DIP2A: variants seen among roughly 807,000 people sequenced by gnomAD.
DIP2A encodes the protein DIP2 acetate--CoA ligase A.
In DIP2A, 85 loss-of-function variants were observed where a neutral mutation model predicts 177.4. The observed-to-expected ratio is 0.48, with a 90% CI of 0.40 to 0.57. The LOEUF (loss-of-function observed/expected upper bound fraction) is 0.57, where lower values mean the gene tolerates loss of function less well. Ranked by LOEUF, DIP2A falls within the 20% of genes least tolerant of loss-of-function variation. DIP2A has a pLI of 0.00. For synonymous variants in DIP2A, 886 were observed against 881.8 expected, an observed-to-expected ratio of 1.00 and a Z score of -0.08; for missense variants, 1,791 against 2,100.2, an observed-to-expected ratio of 0.85 and a Z score of 2.88.
chr21:46,515,734 C>T lies in DIP2A; in HGVS notation c.1102+4120C>T, dbSNP rs184508862. On this transcript the variant is annotated intron_variant, in intron 8 of 37. Coordinates refer to ENST00000417564, the MANE Select transcript of DIP2A (RefSeq NM_015151.4). ...TGTATTTTTAGTGTAGTCGAGGTCT[C>T]GCCATGTGGCCTGGGCTGGTCTCAA... 4.9e-4 allele frequency among the ~76,000 whole-genome samples: 73 copies of T among 149,604 alleles called. 1 individual carries two copies. Among genetic ancestry groups the T allele is most frequent in the Middle Eastern group, 3.4e-3 (1 of 292 alleles).
intron 12 of DIP2A, 44 bp from the exon 13 acceptor site, chr21:46,534,541 C>T: frequency 6.4e-7 from 1 of 1,565,188 alleles, no homozygotes. Context: ...CTGTTGTCAC[C>T]TCTAGAAATA....
chr21:46,504,420 C>A lies in DIP2A; in HGVS notation c.715C>A (p.Arg239Ser), dbSNP rs778014102. The A allele has an allele frequency of 6.2e-7, 1 of 1,613,836 alleles. No individual in the cohort carries two copies. Among genetic ancestry groups the A allele is most frequent in the East Asian group, 2.2e-5 (1 of 44,886 alleles). ...CCTCGTGGAGCATTCGTACTTTGAG[C>A]GTCCACAGGTGGCTTCTGTGAGAAG... ...TGLVEHSYFE[R>S]PQVASVRSVP... The change falls in exon 6 of 38, where the codon CGT (arginine) becomes AGT (serine). Residue 239 changes from arginine to serine, a missense_variant. Coordinates refer to ENST00000417564, the MANE Select transcript of DIP2A (RefSeq NM_015151.4).
chr21:46,459,305 C>G (rs1324683366), intron 1 of DIP2A, 83 bp downstream of exon 1: 3 of 1,227,744 alleles, frequency 2.4e-6, no homozygotes, highest in Non-Finnish European at 2.2e-6. Flanking sequence ...GACCCCCGCG[C>G]GGCCCCTCAC....
intron 34 of DIP2A, among the ~76,000 whole-genome samples, chr21:46,562,061 C>T (rs1196712083): frequency 2.0e-5 from 3 of 152,076 alleles, no homozygotes; most frequent in Non-Finnish European, 4.4e-5. Flanking sequence ...TAAAGAACTC[C>T]CGCTGGGTGG....
intron 3 of DIP2A, among the ~76,000 whole-genome samples, chr21:46,492,692 G>A (rs1430262836): frequency 1.3e-5 from 2 of 152,140 alleles, no homozygotes; most frequent in African/African-American, 4.8e-5. Context: ...GCCAGGCGTG[G>A]TTGTTCACGC....
chr21:46,515,571 C>T (rs755581267), intron 8 of DIP2A, among the ~76,000 whole-genome samples: 10 of 151,736 alleles, frequency 6.6e-5, no homozygotes, highest in Non-Finnish European at 1.2e-4. Flanking sequence ...AGGTTGTGTT[C>T]GGTCACCCAG....
intron 23 of DIP2A, 74 bp downstream of exon 23, chr21:46,550,818 C>T (rs978791845): frequency 3.1e-5 from 45 of 1,452,216 alleles, no homozygotes; most frequent in Admixed American, 2.3e-4. Flanking sequence ...TAGGGTGCGG[C>T]CCTGCTAGAC....
intron 3 of DIP2A, among the ~76,000 whole-genome samples, chr21:46,496,049 C>T (rs577444178): frequency 4.1e-5 from 6 of 147,748 alleles, no homozygotes; most frequent in Non-Finnish European, 8.9e-5. Context: ...TCTAGCCTGG[C>T]GACAGATCGA....
At chr21:46,501,563 G>T (rs1029004593) in intron 5 of DIP2A, among the ~76,000 whole-genome samples, 15 of 152,092 alleles carry the variant, frequency 9.9e-5, no homozygotes, top group African/African-American at 3.4e-4. Context: ...GGGACTATAG[G>T]CAAATGCCAG....
rs772356537 is a variant in DIP2A at position 46,498,627 on chromosome 21, G to A, written c.449G>A (p.Gly150Glu). ...GATGAGGGCTCTTTACGGCGACCCGGGCGACTCACCTCCACTCCGCTCCAG... is the reference window on the plus strand; with the variant it reads ...GATGAGGGCTCTTTACGGCGACCCGAGCGACTCACCTCCACTCCGCTCCAG... ...SEDEGSLRRP[G>E]RLTSTPLQSH... is the part of the protein sequence containing the mutation. Residue 150 changes from glycine (G) to glutamate (E), a missense_variant, in exon 5 of 38, where the codon GGG (glycine) becomes GAG (glutamate). Physicochemically the swap from Gly to Glu is moderately conservative, Grantham distance 98. Transcript: ENST00000417564. The surrounding 1 kb of genome is among the most constrained non-coding windows in gnomAD (Gnocchi z 4.3). The A allele has an allele frequency of 3.7e-5, 60 of 1,612,866 alleles. No individual in the cohort carries two copies. The highest frequency in any genetic ancestry group is 1.0e-4 in the Admixed American group (6 of 59,984).
chr21:46,547,901 C>A (rs1708384218), intron 21 of DIP2A, among the ~76,000 whole-genome samples: 1 of 152,046 alleles, frequency 6.6e-6, no homozygotes, highest in Admixed American at 6.5e-5. Context: ...AACTCCTGGG[C>A]TCAAGCAATC....
At chr21:46,460,818 C>G (rs1043313009) in intron 1 of DIP2A, among the ~76,000 whole-genome samples, 1 of 151,874 alleles carries the variant, frequency 6.6e-6, no homozygotes, top group Non-Finnish European at 1.5e-5. Context: ...CTCAGCCTCC[C>G]GAGTAGCTGG....
chr21:46,480,631 A>G (rs923549289), intron 1 of DIP2A, among the ~76,000 whole-genome samples: 6 of 152,150 alleles, frequency 3.9e-5, no homozygotes, highest in Non-Finnish European at 4.4e-5. Flanking sequence ...GTTGGGACCT[A>G]GTGGACTCTT....
At chr21:46,539,775 T>C (rs1427925628) in intron 16 of DIP2A, 102 bp from the exon 17 acceptor site, 4 of 946,302 alleles carry the variant, frequency 4.2e-6, no homozygotes, top group South Asian at 1.3e-5. Context: ...AGCCCTGTGG[T>C]TCCGATGGCC....
intron 1 of DIP2A, among the ~76,000 whole-genome samples, chr21:46,479,195 C>G (rs1185227090): frequency 2.0e-5 from 3 of 152,220 alleles, no homozygotes; most frequent in Non-Finnish European, 4.4e-5. Flanking sequence ...CTCAGTTCAG[C>G]TACTTGGTGA....
At position 46,550,676 on chromosome 21, in the gene DIP2A, C is replaced by G; in HGVS notation, c.2771C>G (p.Pro924Arg). The G allele has an allele frequency of 6.2e-7, 1 of 1,614,028 alleles. No individual in the cohort carries two copies. Among genetic ancestry groups the G allele is most frequent in the Non-Finnish European group, 8.5e-7 (1 of 1,179,908 alleles). The change falls in exon 23 of 38, where the codon CCG becomes CGG. Residue 924 changes from proline (P) to arginine (R), a missense_variant. Pro to Arg is a moderately radical substitution (Grantham distance 103, BLOSUM62 -2). Coordinates refer to ENST00000417564, the MANE Select transcript of DIP2A (RefSeq NM_015151.4). ...CGCTTTCTGGAAGGGACGCTGCACC[C>G]GTGTAATGTGCTGATGTGCCCTCAC... ...KQRFLEGTLH[P>R]CNVLMCPHTC...
At position 46,557,054 on chromosome 21, in the gene DIP2A, T is replaced by A; in HGVS notation, c.3614T>A (p.Leu1205Gln). ...LDPYCGLGFA[L>Q]WCLCSVYSGH... ...CCCTACTGTGGCCTTGGTTTTGCCC[T>A]GTGGTGTCTGTGCAGGTGAGTGCAG... is the stretch of plus-strand genomic sequence containing the variant. Residue 1205 changes from leucine (L) to glutamine (Q), a missense_variant, in exon 30 of 38, where the codon CTG becomes CAG. Coordinates refer to ENST00000417564, the MANE Select transcript of DIP2A (RefSeq NM_015151.4). This position sits in a 1 kb window ranked among gnomAD's most constrained non-coding sequence, Gnocchi z 6.0. The A allele has an allele frequency of 6.2e-7, 1 of 1,607,060 alleles. No homozygotes were observed. The highest frequency in any genetic ancestry group is 8.5e-7 in the Non-Finnish European group (1 of 1,177,096).
intron 1 of DIP2A, among the ~76,000 whole-genome samples, chr21:46,459,817 G>A (rs755338568): frequency 1.2e-4 from 18 of 152,062 alleles, no homozygotes; most frequent in Non-Finnish European, 2.4e-4. Context: ...ATCCCCAGCT[G>A]CTCCCCCAAT....
chr21:46,538,853 ATCTT>A (rs2059682521), intron 16 of DIP2A: 1 of 466,954 alleles, frequency 2.1e-6, no homozygotes, highest in South Asian at 2.5e-5. Context: ...AATGAGAGTC[ATCTT>A]TCTTAAGAAA....
Sources: allele counts gnomAD v4.1 joint callset (sites outside exome capture counted in the v4.1 genomes callset), GRCh38; gene constraint gnomAD v4.1.1; non-coding constraint Gnocchi (gnomAD v3.1); transcripts MANE v1.5; gene names NCBI Gene and HGNC (gene_info 2026-07-23, HGNC 2026-07-21).